CDH17: variants seen among roughly 807,000 people sequenced by gnomAD.
CDH17 encodes the protein cadherin-17.
Under a neutral mutation model 86.3 loss-of-function variants are expected in CDH17, and 67 were observed. The observed-to-expected ratio is 0.78, with a 90% CI of 0.64 to 0.95. The LOEUF (loss-of-function observed/expected upper bound fraction) is 0.95, where lower values mean the gene tolerates loss of function less well. Ranked by LOEUF, CDH17 falls within the 40% of genes least tolerant of loss-of-function variation. The pLI is 0.00. For missense variants in CDH17, 993 were observed against 1,017.6 expected (o/e 0.98, Z 0.33); for synonymous variants, 367 against 366.4 (o/e 1.00, Z -0.02).
chr8:94,167,085 A>G (rs1813171651), intron 9 of CDH17, among the ~76,000 whole-genome samples: 1 of 152,344 alleles, frequency 6.6e-6, no homozygotes, highest in South Asian at 2.1e-4. Flanking sequence ...AAGCAACTTC[A>G]TGGAACAATT....
At chr8:94,172,867 T>C (rs1487816797) in intron 7 of CDH17, among the ~76,000 whole-genome samples, 2 of 152,034 alleles carry the variant, frequency 1.3e-5, no homozygotes, top group East Asian at 1.9e-4. Flanking sequence ...ACACAGGAGA[T>C]AGAGTGCCAG....
At chr8:94,130,844 C>A in intron 16 of CDH17, 32 bp downstream of exon 16, 1 of 1,518,506 alleles carries the variant, frequency 6.6e-7, no homozygotes, top group Non-Finnish European at 9.2e-7. Context: ...GTGACAGATA[C>A]TAGCCTGAGT....
intron 3 of CDH17, among the ~76,000 whole-genome samples, chr8:94,187,656 G>A (rs1813607835): frequency 6.6e-6 from 1 of 151,742 alleles, no homozygotes; most frequent in Non-Finnish European, 1.5e-5. Context: ...TAGGAGTCAG[G>A]GTCCTCCCTG....
chr8:94,197,841 A>G (rs1238108943), intron 1 of CDH17, among the ~76,000 whole-genome samples: 3 of 150,704 alleles, frequency 2.0e-5, no homozygotes, highest in East Asian at 1.9e-4. Context: ...AAAAAAAAAA[A>G]AAAAAAAGAA....
At chr8:94,144,828 C>G (rs1030859710) in intron 15 of CDH17, among the ~76,000 whole-genome samples, 3 of 152,186 alleles carry the variant, frequency 2.0e-5, no homozygotes, top group Non-Finnish European at 4.4e-5. Context: ...AGAATCCAAA[C>G]AGCCTAATTT....
intron 15 of CDH17, among the ~76,000 whole-genome samples, chr8:94,135,888 G>T (rs1457392417): frequency 1.3e-5 from 2 of 152,112 alleles, no homozygotes; most frequent in Admixed American, 6.5e-5. Context: ...GTCTGTAAAG[G>T]ATTTTATTTC....
At position 94,127,759 on chromosome 8, in the gene CDH17, AGGAAAAATGTCAT is replaced by A. The variant is rs989212202; in HGVS notation, c.*468_*480del. On this transcript the variant is annotated 3_prime_UTR_variant, in exon 18 of 18. Transcript: ENST00000027335. The stretch of plus-strand genomic sequence containing the variant: ...ACAAGTAGCTAAGCCATTTGCAGAG[AGGAAAAATGTCAT>A]GGAAAAATGAAAAATCTCTCTAATG... The A allele has an allele frequency of 1.3e-5, 2 of 153,510 alleles. No homozygotes were observed. The highest frequency in any genetic ancestry group is 4.8e-5 in the African/African-American group (2 of 41,428). The allele number at this position is 153,510 out of a possible 1,614,324, so 9.5% of individuals were successfully genotyped here.
intron 15 of CDH17, among the ~76,000 whole-genome samples, chr8:94,141,543 C>A (rs1440046234): frequency 1.3e-5 from 2 of 152,046 alleles, no homozygotes; most frequent in African/African-American, 4.8e-5. Flanking sequence ...TGTAGAAAAT[C>A]TATGAAATCT....
chr8:94,164,471 T>C (rs1813116783), intron 10 of CDH17, among the ~76,000 whole-genome samples: 1 of 152,202 alleles, frequency 6.6e-6, no homozygotes, highest in Non-Finnish European at 1.5e-5. Flanking sequence ...AATTGTTAGC[T>C]CGTCATGAAT....
intron 10 of CDH17, among the ~76,000 whole-genome samples, chr8:94,165,222 C>T (rs980135310): frequency 2.0e-5 from 3 of 152,182 alleles, no homozygotes; most frequent in African/African-American, 7.2e-5. Flanking sequence ...CACACTGAGA[C>T]CTCAACTCCC....
chr8:94,211,964 A>T (rs1814128160), upstream of CDH17, among the ~76,000 whole-genome samples: 1 of 152,172 alleles, frequency 6.6e-6, no homozygotes, highest in Non-Finnish European at 1.5e-5. Context: ...AAAAGCAAAT[A>T]ATTTTGAACC....
At chr8:94,157,976 A>G (rs1040860720) in intron 12 of CDH17, among the ~76,000 whole-genome samples, 4 of 152,146 alleles carry the variant, frequency 2.6e-5, no homozygotes, top group Admixed American at 6.5e-5. Context: ...TGGCCAGCAG[A>G]TTGTACCCTG....
chr8:94,132,264 C>G (rs1464875733), intron 15 of CDH17, among the ~76,000 whole-genome samples: 1 of 152,202 alleles, frequency 6.6e-6, no homozygotes, highest in South Asian at 2.1e-4. Context: ...CTGTCTTCCA[C>G]AATGGTTGAA....
chr8:94,130,559 G>A, intron 17 of CDH17, 67 bp downstream of exon 17: 2 of 1,067,778 alleles, frequency 1.9e-6, no homozygotes, highest in South Asian at 1.5e-5. Flanking sequence ...AGGAAGACAG[G>A]CCCTGAGATG....
At chr8:94,161,207 G>A (rs184871928) in intron 11 of CDH17, among the ~76,000 whole-genome samples, 154 of 152,326 alleles carry the variant, frequency 1.0e-3, no homozygotes, top group African/African-American at 3.7e-3. Flanking sequence ...AAAAGCCCAA[G>A]AGAATGGAGG....
intron 3 of CDH17, among the ~76,000 whole-genome samples, chr8:94,179,692 G>C (rs1029905720): frequency 6.6e-6 from 1 of 152,174 alleles, no homozygotes; most frequent in Non-Finnish European, 1.5e-5. Context: ...AGACTTACTG[G>C]CTTAAGGCAT....
chr8:94,135,874 G>T (rs933935217), intron 15 of CDH17, among the ~76,000 whole-genome samples: 3 of 152,122 alleles, frequency 2.0e-5, no homozygotes, highest in African/African-American at 7.2e-5. Flanking sequence ...CTCAGCATTT[G>T]CTTGTCTGTA....
intron 1 of CDH17, among the ~76,000 whole-genome samples, chr8:94,203,444 G>A (rs1813960272): frequency 6.6e-6 from 1 of 152,152 alleles, no homozygotes; most frequent in African/African-American, 2.4e-5. Context: ...TATCCTGTGA[G>A]CCATTTATTT....
chr8:94,209,654 G>A (rs1198719963), upstream of CDH17, among the ~76,000 whole-genome samples: 1 of 152,168 alleles, frequency 6.6e-6, no homozygotes, highest in Non-Finnish European at 1.5e-5. Flanking sequence ...GTTCAGCAAA[G>A]GCCCTTCTTG....
Sources: allele counts gnomAD v4.1 joint callset (sites outside exome capture counted in the v4.1 genomes callset), GRCh38; gene constraint gnomAD v4.1.1; transcripts MANE v1.5; gene names NCBI Gene and HGNC (gene_info 2026-07-23, HGNC 2026-07-21).